Variants in PGAP1 observed in about 807,000 individuals in gnomAD.
The protein encoded by PGAP1 is post-GPI attachment to proteins inositol deacylase 1, also known as GPI inositol-deacylase.
Under a neutral mutation model 127.0 loss-of-function variants are expected in PGAP1, and 76 were observed. The observed-to-expected ratio is 0.60, with a 90% CI of 0.50 to 0.72. The LOEUF is 0.72. Among genes scored for constraint, PGAP1 ranks in the 30% least tolerant of loss-of-function variants. The pLI is 0.00. For synonymous variants in PGAP1, 362 were observed against 366.5 expected (o/e 0.99, Z 0.14); for missense variants, 982 against 1,071.3 (o/e 0.92, Z 1.16).
chr2:196,860,521 G>A (rs891228261), intron 20 of PGAP1, among the ~76,000 whole-genome samples: 1 of 152,028 alleles, frequency 6.6e-6, no homozygotes, highest in African/African-American at 2.4e-5. Context: ...GCAACAGAAC[G>A]AGACTCCATC....
intron 9 of PGAP1, 29 bp downstream of exon 9, chr2:196,892,317 G>T: frequency 8.4e-7 from 1 of 1,183,578 alleles, no homozygotes; most frequent in Non-Finnish European, 1.2e-6. Context: ...GAAAAAACAT[G>T]AAAAAAAATC....
At chr2:196,890,965 T>A in intron 9 of PGAP1, 54 bp from the exon 10 acceptor site, 1 of 918,150 alleles carries the variant, frequency 1.1e-6, no homozygotes, top group Non-Finnish European at 1.8e-6. Context: ...ATTAGTTTCA[T>A]CATTCAAAAA....
intron 20 of PGAP1, among the ~76,000 whole-genome samples, chr2:196,859,024 C>T (rs917881439): frequency 2.0e-5 from 3 of 152,032 alleles, no homozygotes; most frequent in African/African-American, 7.2e-5. Context: ...GAAACCTGAA[C>T]AGACCAATAA....
intron 12 of PGAP1, among the ~76,000 whole-genome samples, chr2:196,883,064 T>G (rs945822461): frequency 6.6e-6 from 1 of 152,280 alleles, no homozygotes; most frequent in Admixed American, 6.5e-5. Context: ...TTAACATGAA[T>G]GGGTGTTGAA....
intron 4 of PGAP1, among the ~76,000 whole-genome samples, chr2:196,905,959 G>A (rs1163485510): frequency 1.4e-5 from 1 of 69,138 alleles, no homozygotes; most frequent in Non-Finnish European, 3.0e-5. Flanking sequence ...TACGCCCACG[G>A]AATCTCGCTG....
At chr2:196,865,159 G>C in intron 19 of PGAP1, 79 bp from the exon 20 acceptor site, 1 of 762,340 alleles carries the variant, frequency 1.3e-6, no homozygotes, top group Non-Finnish European at 2.1e-6. Context: ...TTTAAAAGTT[G>C]CTCTTCAATT....
chr2:196,864,390 CAAAAAAAAAAA>C (rs752788293), intron 20 of PGAP1, among the ~76,000 whole-genome samples: 3 of 32,390 alleles, frequency 9.3e-5, no homozygotes, highest in African/African-American at 2.4e-4. Flanking sequence ...AACTACGTCT[CAAAAAAAAAAA>C]AAAAAAAAAA....
At chr2:196,885,752 C>T in intron 11 of PGAP1, 82 bp downstream of exon 11, 1 of 866,360 alleles carries the variant, frequency 1.2e-6, no homozygotes, top group Non-Finnish European at 1.6e-6. Flanking sequence ...ATGAAAATAA[C>T]AATGTATGAA....
At chr2:196,870,716 G>C (rs988809179) in intron 19 of PGAP1, among the ~76,000 whole-genome samples, 1 of 152,058 alleles carries the variant, frequency 6.6e-6, no homozygotes, top group African/African-American at 2.4e-5. Flanking sequence ...TATGGTCTGT[G>C]GGCCAAGAAT....
chr2:196,869,606 T>A (rs1462475924), intron 19 of PGAP1, among the ~76,000 whole-genome samples: 1 of 152,226 alleles, frequency 6.6e-6, no homozygotes, highest in Non-Finnish European at 1.5e-5. Flanking sequence ...AGTGCTGGGA[T>A]TACAGGCGTG....
At chr2:196,918,673 A>C (rs1348928036) in intron 2 of PGAP1, among the ~76,000 whole-genome samples, 2 of 152,138 alleles carry the variant, frequency 1.3e-5, no homozygotes, top group Admixed American at 6.5e-5. Flanking sequence ...TAAGGAAATT[A>C]CTCTCTTAAC....
In PGAP1 at chr2:196,870,983, G is replaced by C; in HGVS notation, c.1729-4C>G. 6.3e-7 allele frequency: 1 copy of C among 1,596,082 alleles called. No homozygotes were observed. Among genetic ancestry groups the C allele is most frequent in the Non-Finnish European group, 8.6e-7 (1 of 1,165,814 alleles). Reference sequence around the variant, plus strand: ...AAAAGGAAGTCTTAACTGTCACCTAGTTTAAAACAATTATTGAAAAAAAAG... The same window carrying C: ...AAAAGGAAGTCTTAACTGTCACCTACTTTAAAACAATTATTGAAAAAAAAG... On this transcript the variant is annotated splice_region_variant and splice_polypyrimidine_tract_variant and intron_variant, in intron 18 of 26. Transcript: ENST00000354764.
intron 14 of PGAP1, 76 bp downstream of exon 14, chr2:196,875,670 T>C (rs1701542010): frequency 3.9e-6 from 3 of 775,400 alleles, no homozygotes; most frequent in Admixed American, 4.9e-5. Context: ...ACATTTGATA[T>C]TACAAAGCTC....
At chr2:196,867,362 A>G (rs1401998944) in intron 19 of PGAP1, among the ~76,000 whole-genome samples, 1 of 152,192 alleles carries the variant, frequency 6.6e-6, no homozygotes, top group African/African-American at 2.4e-5. Flanking sequence ...ATTCTCAGCA[A>G]ACTAACACAA....
At position 196,916,585 on chromosome 2, in the gene PGAP1, T is replaced by C. The variant is rs200242648; in HGVS notation, c.310A>G (p.Ile104Val). The C allele has an allele frequency of 2.1e-4, 331 of 1,606,152 alleles. 1 individual carries two copies. The highest frequency in any genetic ancestry group is 2.7e-4 in the Admixed American group (16 of 58,328). ...GCTTTTCTAAGTGCAATGGAGCCAA[T>C]AGAACGAACTGCAGAGGAAAAGAGT... The part of the protein sequence containing the change: ...NAGSYKQVRS[I>V]GSIALRKAED... Residue 104 changes from isoleucine (I) to valine (V), a missense_variant, in exon 3 of 27, where the codon ATT becomes GTT. By Grantham distance (29) the Ile-to-Val change is conservative. Coordinates refer to ENST00000354764, the MANE Select transcript of PGAP1 (RefSeq NM_024989.4).
intron 3 of PGAP1, 149 bp downstream of exon 3, chr2:196,916,269 C>G (rs1703004066): frequency 3.8e-6 from 2 of 529,096 alleles, no homozygotes; most frequent in East Asian, 6.8e-5. Flanking sequence ...TTACGGAGGC[C>G]AAGACAACAG....
In PGAP1 at chr2:196,844,504, G is replaced by T. The variant is rs1399632332; in HGVS notation, c.2337+20C>A. The T allele has an allele frequency of 6.4e-7, 1 of 1,556,384 alleles. No homozygotes were observed. The highest frequency in any genetic ancestry group is 1.2e-5 in the South Asian group (1 of 81,962). On this transcript the variant is annotated intron_variant, in intron 24 of 26. Coordinates refer to ENST00000354764, the MANE Select transcript of PGAP1 (RefSeq NM_024989.4). ...TTCTTTCATTTTAAATTTATGTAGA[G>T]TTTTGAAAATAAAACTTACCACAGG... is the stretch of plus-strand genomic sequence containing the variant.
intron 19 of PGAP1, among the ~76,000 whole-genome samples, 167 bp from the exon 20 acceptor site, chr2:196,865,247 T>A (rs548814353): frequency 6.6e-6 from 1 of 152,186 alleles, no homozygotes; most frequent in Non-Finnish European, 1.5e-5. Context: ...TGAAAATACA[T>A]AGCAAACTCA....
intron 2 of PGAP1, 99 bp downstream of exon 2, chr2:196,919,898 G>T: frequency 8.4e-7 from 1 of 1,192,698 alleles, no homozygotes; most frequent in Non-Finnish European, 1.2e-6. Flanking sequence ...CACACAGCAT[G>T]CATTTCATTT....
Sources: gnomAD v4.1 joint callset for allele counts (sites outside exome capture counted in the v4.1 genomes callset) on GRCh38, gnomAD v4.1.1 for gene constraint, MANE v1.5 for transcripts, NCBI Gene and HGNC (gene_info 2026-07-23, HGNC 2026-07-21) for gene names.